Variants in PRIM2 observed in about 807,000 individuals in gnomAD.
PRIM2 encodes DNA primase subunit 2.
In PRIM2, 39 loss-of-function variants were observed where a neutral mutation model predicts 67.3. That is an observed-to-expected ratio of 0.58 (90% confidence interval 0.45 to 0.76). The LOEUF is 0.76. Among genes scored for constraint, PRIM2 ranks in the 30% least tolerant of loss-of-function variants. The pLI, the probability that PRIM2 is intolerant of heterozygous loss-of-function variation, is 0.00. For synonymous variants in PRIM2, 143 were observed against 198.7 expected (o/e 0.72, Z 2.36); for missense variants, 398 against 598.7 (o/e 0.66, Z 3.50).
At chr6:57,629,296 T>TA (rs1777005080) in intron 12 of PRIM2, among the ~76,000 whole-genome samples, 1 of 152,210 alleles carries the variant, frequency 6.6e-6, no homozygotes, top group Non-Finnish European at 1.5e-5. Context: ...GGTATCATAC[T>TA]CCTGTTTCTA....
chr6:57,351,256 C>G (rs1318804208), intron 5 of PRIM2, among the ~76,000 whole-genome samples: 3 of 151,766 alleles, frequency 2.0e-5, no homozygotes, highest in Non-Finnish European at 4.4e-5. Flanking sequence ...CTGAAATGCT[C>G]CAGTGAGCAT....
chr6:57,501,098 T>C (rs1774120931), intron 7 of PRIM2, among the ~76,000 whole-genome samples: 4 of 152,200 alleles, frequency 2.6e-5, no homozygotes, highest in Admixed American at 1.3e-4. Context: ...TAAAAAGTGT[T>C]ATTGAATAGA....
intron 12 of PRIM2, among the ~76,000 whole-genome samples, chr6:57,615,536 C>T (rs1377810543): frequency 6.6e-6 from 1 of 151,932 alleles, no homozygotes; most frequent in Non-Finnish European, 1.5e-5. Context: ...TGGAAAGATG[C>T]ATATGAAATT....
intron 10 of PRIM2, among the ~76,000 whole-genome samples, chr6:57,556,033 A>G (rs1341140404): frequency 6.6e-6 from 1 of 152,264 alleles, no homozygotes; most frequent in Non-Finnish European, 1.5e-5. Flanking sequence ...ACACAATGCC[A>G]CCATTCACAA....
At chr6:57,628,793 C>G (rs1189390279) in intron 12 of PRIM2, among the ~76,000 whole-genome samples, 3 of 152,094 alleles carry the variant, frequency 2.0e-5, no homozygotes, top group Non-Finnish European at 4.4e-5. Flanking sequence ...TCAGCTGCAT[C>G]TGTGTTGCCA....
chr6:57,593,144 G>C (rs1327799694), intron 10 of PRIM2, among the ~76,000 whole-genome samples: 3 of 152,112 alleles, frequency 2.0e-5, no homozygotes, highest in Admixed American at 6.6e-5. Flanking sequence ...TATTGCCAGT[G>C]CCACAGCTGG....
chr6:57,561,543 A>C (rs1775630371), intron 10 of PRIM2, among the ~76,000 whole-genome samples: 2 of 152,112 alleles, frequency 1.3e-5, no homozygotes, highest in Non-Finnish European at 2.9e-5. Flanking sequence ...AATTCGCTCA[A>C]ACTTTTCTTC....
At chr6:57,441,256 C>T (rs897157902) in intron 7 of PRIM2, among the ~76,000 whole-genome samples, 9 of 152,206 alleles carry the variant, frequency 5.9e-5, no homozygotes, top group African/African-American at 2.2e-4. Context: ...GCTCTCTTGT[C>T]TATGACTTGT....
chr6:57,560,434 T>C (rs1353587175), intron 10 of PRIM2, among the ~76,000 whole-genome samples: 4 of 150,440 alleles, frequency 2.7e-5, no homozygotes, highest in African/African-American at 7.4e-5. Flanking sequence ...TATTCCAAAC[T>C]CCTGTTAATG....
At chr6:57,437,751 G>A (rs1772060723) in intron 7 of PRIM2, among the ~76,000 whole-genome samples, 1 of 147,116 alleles carries the variant, frequency 6.8e-6, no homozygotes, top group Admixed American at 7.0e-5. Flanking sequence ...CTGCAGCCTC[G>A]AACTCCTGGG....
At chr6:57,298,248 C>G in the PRIM2 span, among the ~76,000 whole-genome samples, 2 of 152,046 alleles carry the variant, frequency 1.3e-5, no homozygotes. Flanking sequence ...GTAGTCCCAG[C>G]TACTCGGGAG....
At chr6:57,583,869 A>G (rs1776143321) in intron 10 of PRIM2, among the ~76,000 whole-genome samples, 3 of 152,308 alleles carry the variant, frequency 2.0e-5, no homozygotes, top group Admixed American at 2.0e-4. Flanking sequence ...AGTAACTGAA[A>G]TAACTATCCA....
At chr6:57,477,250 C>A (rs1319040293) in intron 7 of PRIM2, among the ~76,000 whole-genome samples, 2 of 152,134 alleles carry the variant, frequency 1.3e-5, no homozygotes, top group African/African-American at 4.8e-5. Flanking sequence ...ACCTCAGCCC[C>A]CTAAAGTTCT....
the PRIM2 span, among the ~76,000 whole-genome samples, chr6:57,273,219 T>C: frequency 6.6e-6 from 1 of 152,216 alleles, no homozygotes; most frequent in Non-Finnish European, 1.5e-5. Flanking sequence ...TCCTGCAGAA[T>C]ATTTTCCAAC....
chr6:57,543,613 T>C (rs1775223779), intron 10 of PRIM2, among the ~76,000 whole-genome samples: 1 of 152,206 alleles, frequency 6.6e-6, no homozygotes, highest in Non-Finnish European at 1.5e-5. Context: ...CAGCTACAAC[T>C]ACCTTTCCTA....
At chr6:57,348,582 C>T (rs1768753257) in intron 5 of PRIM2, among the ~76,000 whole-genome samples, 2 of 152,128 alleles carry the variant, frequency 1.3e-5, no homozygotes, top group Middle Eastern at 3.4e-3. Flanking sequence ...GGGTTATAGT[C>T]ACCCCTGCTG....
chr6:57,313,251 A>G (rs998968656), upstream of PRIM2, among the ~76,000 whole-genome samples: 1 of 152,040 alleles, frequency 6.6e-6, no homozygotes, highest in Non-Finnish European at 1.5e-5. Flanking sequence ...AAAACTTTAC[A>G]TTCTTCTTTT....
At chr6:57,324,445 G>A (rs901359141) in intron 4 of PRIM2, 165 bp downstream of exon 4, 1 of 154,492 alleles carries the variant, frequency 6.5e-6, no homozygotes, top group Non-Finnish European at 1.4e-5. Context: ...GGAAGAAATT[G>A]TTTACTTAAA....
Position 57,642,899 on chromosome 6 carries a change from A to G in PRIM2, c.1300-3029A>G, listed in dbSNP as rs1777271818. ...CAGCAATTTCCAGTTTGGATTCCTT[A>G]AAGTAGAAAAGGAACTTGATATATG... On this transcript the variant is annotated intron_variant, in intron 13 of 13. Transcript: ENST00000615550. 8.5e-5 allele frequency among the ~76,000 whole-genome samples: 13 copies of G among 152,298 alleles called. No individual in the cohort carries two copies. The South Asian group carries it at 2.7e-3, about 32-fold the overall frequency.
Sources: gnomAD v4.1 joint callset for allele counts (sites outside exome capture counted in the v4.1 genomes callset) on GRCh38, gnomAD v4.1.1 for gene constraint, MANE v1.5 for transcripts, NCBI Gene and HGNC (gene_info 2026-07-23, HGNC 2026-07-21) for gene names.